Variants in FAM13A observed in about 807,000 individuals in gnomAD.
The protein encoded by FAM13A is family with sequence similarity 13 member A.
Under a neutral mutation model 129.6 loss-of-function variants are expected in FAM13A, and 76 were observed. That is an observed-to-expected ratio of 0.59 (90% confidence interval 0.49 to 0.71). The LOEUF (loss-of-function observed/expected upper bound fraction) is 0.71, where lower values mean the gene tolerates loss of function less well. Ranked by LOEUF, FAM13A falls within the 30% of genes least tolerant of loss-of-function variation. The pLI is 0.00. For synonymous variants in FAM13A, 443 were observed against 449.9 expected, an observed-to-expected ratio of 0.98 and a Z score of 0.20; for missense variants, 1,108 against 1,249.3, an observed-to-expected ratio of 0.89 and a Z score of 1.70.
At position 88,958,479 on chromosome 4, in the gene FAM13A, T is replaced by C. The variant is rs562523125; in HGVS notation, c.606-20238A>G. Among the ~76,000 whole-genome samples the C allele has an allele frequency of 5.3e-5, 8 of 152,336 alleles. No homozygotes were observed. The South Asian group carries it at 8.3e-4, about 16-fold the overall frequency. On this transcript the variant is annotated intron_variant, in intron 4 of 23. Transcript: ENST00000264344. ...TAGCTCAAAGGAGCCCAGGTATAGC[T>C]TGAGTTGACACTTTAGAGAATGCAA...
In FAM13A at chr4:88,852,905, T is replaced by C. The variant is rs569136912; in HGVS notation, c.844-1722A>G. ...AAAACAATATATGAAGAAATATGTA[T>C]AATTATGACTTGTCAACTAAAAATA... On this transcript the variant is annotated intron_variant, in intron 6 of 23. Coordinates refer to ENST00000264344, the MANE Select transcript of FAM13A (RefSeq NM_014883.4). 4.6e-5 allele frequency among the ~76,000 whole-genome samples: 7 copies of C among 152,308 alleles called. No homozygotes were observed. In the East Asian group the frequency reaches 1.3e-3, roughly 29 times the overall value.
chr4:89,015,115 C>G (rs1428503554), intron 3 of FAM13A, among the ~76,000 whole-genome samples: 2 of 152,132 alleles, frequency 1.3e-5, no homozygotes, highest in African/African-American at 4.8e-5. Flanking sequence ...CTGTAGCGCT[C>G]CCAGGCCTAT....
chr4:88,738,225 A>T (rs1477575496), intron 20 of FAM13A, among the ~76,000 whole-genome samples: 1 of 152,236 alleles, frequency 6.6e-6, no homozygotes, highest in Non-Finnish European at 1.5e-5. Flanking sequence ...ATGAGTATGT[A>T]TTGCAACGGC....
intron 4 of FAM13A, among the ~76,000 whole-genome samples, chr4:88,946,341 T>A (rs577886370): frequency 1.3e-5 from 2 of 150,474 alleles, no homozygotes; most frequent in Non-Finnish European, 3.0e-5. Context: ...AGCTATTAAG[T>A]AGCACCCTTT....
Position 88,787,764 on chromosome 4 carries a change from A to C in FAM13A, c.1260T>G (p.His420Gln). The change falls in exon 10 of 24, where the codon CAT (histidine) becomes CAG (glutamine). Residue 420 changes from histidine to glutamine, a missense_variant. By Grantham distance (24) the His-to-Gln change is conservative. Around this residue, in one of 3 missense-constraint regions of FAM13A, gnomAD observed 566 missense variants for 595.7 expected, o/e 0.95. Coordinates refer to ENST00000264344, the MANE Select transcript of FAM13A (RefSeq NM_014883.4). ...CAATGCCAACTCACTTGTCTCTCCC[A>C]TGTCGAACTTCATCCTGCTCCTTGG... is the stretch of plus-strand genomic sequence containing the variant. ...RQSKEQDEVR[H>Q]GRDKGLINKE... The C allele has an allele frequency of 1.2e-6, 2 of 1,613,108 alleles. No homozygotes were observed. The highest frequency in any genetic ancestry group is 1.7e-6 in the Non-Finnish European group (2 of 1,179,510).
chr4:88,815,821 T>A (rs1274640237), intron 7 of FAM13A, among the ~76,000 whole-genome samples: 1 of 152,142 alleles, frequency 6.6e-6, no homozygotes, highest in East Asian at 1.9e-4. Context: ...TTAGAAAAAT[T>A]AAAGAAGGCT....
intron 3 of FAM13A, among the ~76,000 whole-genome samples, chr4:89,005,137 G>C (rs562382228): frequency 6.6e-6 from 1 of 152,116 alleles, no homozygotes; most frequent in African/African-American, 2.4e-5. Flanking sequence ...TTATCATTTA[G>C]CTCCCACTTA....
intron 13 of FAM13A, among the ~76,000 whole-genome samples, chr4:88,766,283 T>C (rs1203402920): frequency 6.6e-6 from 1 of 152,138 alleles, no homozygotes; most frequent in Non-Finnish European, 1.5e-5. Flanking sequence ...AACTTGACAG[T>C]ATCATGGGGA....
chr4:89,052,745 T>C (rs1771772335), intron 1 of FAM13A, among the ~76,000 whole-genome samples: 1 of 152,094 alleles, frequency 6.6e-6, no homozygotes, highest in Non-Finnish European at 1.5e-5. Flanking sequence ...CCACTGGCTA[T>C]CTTATTTTTA....
chr4:88,838,732 A>G (rs1735279393), intron 7 of FAM13A, among the ~76,000 whole-genome samples: 1 of 151,824 alleles, frequency 6.6e-6, no homozygotes, highest in South Asian at 2.1e-4. Context: ...GTCTCAAAAA[A>G]AAAAAAGAAA....
chr4:89,006,582 C>T (rs1392293302), intron 3 of FAM13A, among the ~76,000 whole-genome samples: 1 of 152,180 alleles, frequency 6.6e-6, no homozygotes, highest in Non-Finnish European at 1.5e-5. Flanking sequence ...GGGTATGTTA[C>T]AATTAATGGT....
chr4:88,906,028 C>T (rs1385382088), intron 6 of FAM13A, among the ~76,000 whole-genome samples: 1 of 152,226 alleles, frequency 6.6e-6, no homozygotes, highest in Non-Finnish European at 1.5e-5. Context: ...TGGCTCACGC[C>T]TGTAATCCCA....
At chr4:88,966,812 A>C (rs1759413697) in intron 4 of FAM13A, among the ~76,000 whole-genome samples, 1 of 152,198 alleles carries the variant, frequency 6.6e-6, no homozygotes, top group Non-Finnish European at 1.5e-5. Flanking sequence ...AGCTCATGCA[A>C]AATGAAACAC....
chr4:88,787,897 T>C lies in FAM13A; in HGVS notation c.1127A>G (p.Gln376Arg), dbSNP rs746457484. 92 of 1,613,494 alleles carry C rather than the reference T, an allele frequency of 5.7e-5. 1 individual carries two copies. The East Asian group carries it at 2.0e-3, about 35-fold the overall frequency. ...AGAGTTATTAACATCAAAAAGATGT[T>C]GTTCTACAGCTGATCGGATGGTTCT... ...LERTIRSAVE[Q>R]HLFDVNNSGG... Residue 376 changes from glutamine (Q) to arginine (R), a missense_variant, in exon 10 of 24, where the codon CAA becomes CGA. Around this residue, in one of 3 missense-constraint regions of FAM13A, gnomAD observed 566 missense variants for 595.7 expected, o/e 0.95. Transcript: ENST00000264344.
At chr4:88,769,226 T>G (rs1720110504) in intron 11 of FAM13A, among the ~76,000 whole-genome samples, 1 of 152,084 alleles carries the variant, frequency 6.6e-6, no homozygotes, top group Non-Finnish European at 1.5e-5. Context: ...AATAAACACA[T>G]AGAGGAGAAA....
chr4:88,814,036 T>C (rs1730176605), intron 7 of FAM13A, among the ~76,000 whole-genome samples: 2 of 152,162 alleles, frequency 1.3e-5, no homozygotes, highest in South Asian at 4.1e-4. Flanking sequence ...ATAACTACCA[T>C]TGATTGAGAG....
intron 19 of FAM13A, among the ~76,000 whole-genome samples, chr4:88,746,440 C>T (rs17014483): frequency 0.15 from 23,180 of 152,184 alleles, 2,138 homozygotes; most frequent in South Asian, 0.32. Context: ...TGGTTCTGAA[C>T]GGCAGCTGGA....
chr4:88,878,675 T>C (rs1190360825), intron 6 of FAM13A, among the ~76,000 whole-genome samples: 1 of 152,230 alleles, frequency 6.6e-6, no homozygotes, highest in Non-Finnish European at 1.5e-5. Flanking sequence ...TAATTTAGGA[T>C]TGTGAGAATT....
At chr4:88,876,859 G>C (rs1416365382) in intron 6 of FAM13A, among the ~76,000 whole-genome samples, 1 of 152,174 alleles carries the variant, frequency 6.6e-6, no homozygotes, top group Non-Finnish European at 1.5e-5. Flanking sequence ...CCAAAGTGCT[G>C]GGATTACAGG....
Sources: gnomAD v4.1 joint callset for allele counts (sites outside exome capture counted in the v4.1 genomes callset) on GRCh38, gnomAD v4.1.1 for gene constraint, gnomAD v4.1.1 regional missense constraint, MANE v1.5 for transcripts, NCBI Gene and HGNC (gene_info 2026-07-23, HGNC 2026-07-21) for gene names.